Variants in MLLT3 observed in about 807,000 individuals in gnomAD.
MLLT3 encodes protein AF-9.
MLLT3 carries 4 observed loss-of-function variants against 53.2 expected under a neutral mutation model. That is an observed-to-expected ratio of 0.08 (90% CI 0.04 to 0.17). The LOEUF (loss-of-function observed/expected upper bound fraction) is 0.17, where lower values mean the gene tolerates loss of function less well. Among genes scored for constraint, MLLT3 ranks in the 10% least tolerant of loss-of-function variants. The probability of loss-of-function intolerance (pLI) is 1.00; values close to 1 mark genes in which losing one functional copy is unlikely to be tolerated. For missense variants in MLLT3, 569 were observed against 684.0 expected, an observed-to-expected ratio of 0.83 and a Z score of 1.87; for synonymous variants, 283 against 230.6, an observed-to-expected ratio of 1.23 and a Z score of -2.06.
intron 5 of MLLT3, among the ~76,000 whole-genome samples, chr9:20,413,286 T>G (rs1016485971): frequency 6.6e-6 from 1 of 152,202 alleles, no homozygotes; most frequent in East Asian, 1.9e-4. Context: ...AACATGTTAC[T>G]TCATTCCAAT....
chr9:20,397,206 A>T (rs1039731938), intron 5 of MLLT3, among the ~76,000 whole-genome samples: 2 of 152,156 alleles, frequency 1.3e-5, no homozygotes, highest in African/African-American at 4.8e-5. Flanking sequence ...ATTTGAAAGC[A>T]TATTTTTTCA....
chr9:20,472,893 C>T (rs754880285), intron 2 of MLLT3, among the ~76,000 whole-genome samples: 6 of 150,364 alleles, frequency 4.0e-5, no homozygotes, highest in South Asian at 2.1e-4. Context: ...TTTCTTTTTA[C>T]TAGCACTATG....
At chr9:20,386,865 C>T (rs1013319678) in intron 5 of MLLT3, among the ~76,000 whole-genome samples, 2 of 152,128 alleles carry the variant, frequency 1.3e-5, no homozygotes, top group African/African-American at 4.8e-5. Flanking sequence ...ACTATTTTAT[C>T]CAGATATCCA....
intron 6 of MLLT3, among the ~76,000 whole-genome samples, chr9:20,364,519 G>C (rs1821401855): frequency 6.6e-6 from 1 of 152,162 alleles, no homozygotes; most frequent in Non-Finnish European, 1.5e-5. Context: ...AATTCCTAAA[G>C]TCCCATCTAT....
At chr9:20,387,593 G>A (rs1413677316) in intron 5 of MLLT3, among the ~76,000 whole-genome samples, 1 of 152,158 alleles carries the variant, frequency 6.6e-6, no homozygotes, top group East Asian at 1.9e-4. Context: ...TGACCTTGTT[G>A]TCCAAGTTTC....
intron 10 of MLLT3, among the ~76,000 whole-genome samples, chr9:20,351,044 C>T (rs566635700): frequency 6.6e-6 from 1 of 152,298 alleles, no homozygotes; most frequent in East Asian, 1.9e-4. Flanking sequence ...ACAACCACCA[C>T]ATAAAAATGT....
intron 3 of MLLT3, among the ~76,000 whole-genome samples, chr9:20,450,926 C>T (rs781755579): frequency 8.5e-5 from 13 of 152,186 alleles, no homozygotes; most frequent in Non-Finnish European, 1.5e-4. Flanking sequence ...CAATATCTAT[C>T]AACATACCAA....
intron 5 of MLLT3, among the ~76,000 whole-genome samples, chr9:20,403,960 C>T (rs1395425943): frequency 2.0e-5 from 3 of 152,064 alleles, no homozygotes; most frequent in Non-Finnish European, 4.4e-5. Context: ...CTTGGGACTA[C>T]AGGTGAGAAC....
chr9:20,422,743 T>C (rs1407172452), intron 4 of MLLT3, among the ~76,000 whole-genome samples: 1 of 152,122 alleles, frequency 6.6e-6, no homozygotes, highest in Non-Finnish European at 1.5e-5. Flanking sequence ...TAGTGACATC[T>C]GGGAAACAAA....
intron 2 of MLLT3, among the ~76,000 whole-genome samples, chr9:20,492,153 C>A (rs1222819409): frequency 6.6e-6 from 1 of 151,988 alleles, no homozygotes; most frequent in Non-Finnish European, 1.5e-5. Context: ...TTTAAAACCT[C>A]CATCTTTGTC....
chr9:20,453,277 T>C (rs1162967946), intron 3 of MLLT3, among the ~76,000 whole-genome samples: 5 of 152,040 alleles, frequency 3.3e-5, no homozygotes, highest in African/African-American at 7.2e-5. Flanking sequence ...GAAATAAAAT[T>C]TGGCCAGTTG....
chr9:20,487,354 C>G (rs1028835873), intron 2 of MLLT3, among the ~76,000 whole-genome samples: 4 of 152,076 alleles, frequency 2.6e-5, no homozygotes, highest in Non-Finnish European at 5.9e-5. Context: ...AGGACTTTTG[C>G]TACTAGGATG....
intron 2 of MLLT3, chr9:20,532,539 T>G (rs531870174): frequency 4.5e-6 from 1 of 221,350 alleles, no homozygotes; most frequent in African/African-American, 2.3e-5. Flanking sequence ...GCTCTCTCCT[T>G]CCGCCACCCA....
chr9:20,537,859 G>C (rs1329943975), intron 2 of MLLT3, among the ~76,000 whole-genome samples: 1 of 152,176 alleles, frequency 6.6e-6, no homozygotes, highest in East Asian at 1.9e-4. Context: ...CATAGTTTAT[G>C]CTGTCCAAAT....
In MLLT3 at chr9:20,549,266, G is replaced by T. The variant is rs148073325; in HGVS notation, c.193+71388C>A. Reference sequence around the variant, plus strand: ...GAGAAAAGCCAAGTAGCTATAATTTGTGTGAGCCAAAACACTGGACACAAA... The same window carrying T: ...GAGAAAAGCCAAGTAGCTATAATTTTTGTGAGCCAAAACACTGGACACAAA... On this transcript the variant is annotated intron_variant, in intron 2 of 10. Coordinates refer to ENST00000380338, the MANE Select transcript of MLLT3 (RefSeq NM_004529.4). Among the ~76,000 whole-genome samples, 15 of 152,286 alleles carry T rather than the reference G, an allele frequency of 9.8e-5. No homozygotes were observed. The East Asian group carries it at 2.1e-3, about 22-fold the overall frequency.
chr9:20,542,617 T>C (rs1250321398), intron 2 of MLLT3, among the ~76,000 whole-genome samples: 3 of 152,176 alleles, frequency 2.0e-5, no homozygotes, highest in Non-Finnish European at 4.4e-5. Flanking sequence ...CAGTAAGCCA[T>C]GCAGTAAACA....
At chr9:20,599,281 GC>G (rs747540061) in intron 2 of MLLT3, among the ~76,000 whole-genome samples, 4 of 150,322 alleles carry the variant, frequency 2.7e-5, no homozygotes, top group Non-Finnish European at 5.9e-5. Context: ...GTCAGCCTGG[GC>G]GACAGAGTAA....
intron 2 of MLLT3, among the ~76,000 whole-genome samples, chr9:20,510,847 G>C (rs1466473417): frequency 3.3e-5 from 5 of 152,048 alleles, no homozygotes; most frequent in African/African-American, 1.2e-4. Flanking sequence ...CTGAACTAAA[G>C]CACCAGCATT....
At chr9:20,559,061 C>T (rs1042156660) in intron 2 of MLLT3, among the ~76,000 whole-genome samples, 23 of 152,310 alleles carry the variant, frequency 1.5e-4, no homozygotes, top group African/African-American at 5.5e-4. Flanking sequence ...ACCTTTATGG[C>T]CCAGGAACCC....
Sources: gnomAD v4.1 joint callset for allele counts (sites outside exome capture counted in the v4.1 genomes callset) on GRCh38, gnomAD v4.1.1 for gene constraint, MANE v1.5 for transcripts, NCBI Gene and HGNC (gene_info 2026-07-23, HGNC 2026-07-21) for gene names.